The following ANKH variants were observed in gnomAD, a reference collection of about 807,000 sequenced individuals.
The protein encoded by ANKH is mineralization regulator ANKH.
Under a neutral mutation model 49.0 loss-of-function variants are expected in ANKH, and 15 were observed. The ratio of observed to expected loss-of-function variants is 0.31; its 90% CI spans 0.20 to 0.47. The LOEUF is 0.47. Among genes scored for constraint, ANKH ranks in the 20% least tolerant of loss-of-function variants. The pLI is 1.00. For synonymous variants in ANKH, 273 were observed against 260.0 expected (o/e 1.05, Z -0.48); for missense variants, 429 against 652.0 (o/e 0.66, Z 3.72).
chr5:14,797,309 T>C (rs1740420003), intron 1 of ANKH: 2 of 1,565,054 alleles, frequency 1.3e-6, no homozygotes, highest in African/African-American at 2.7e-5. Context: ...ACAACAACTC[T>C]GGTGGCCTGT....
chr5:14,786,216 A>G (rs2126536989), intron 1 of ANKH, among the ~76,000 whole-genome samples: 1 of 152,314 alleles, frequency 6.6e-6, no homozygotes, highest in South Asian at 2.1e-4. Context: ...AACTTCCTGG[A>G]AATAAATTAA....
At chr5:14,850,993 T>C (rs1489939864) in intron 1 of ANKH, among the ~76,000 whole-genome samples, 2 of 151,840 alleles carry the variant, frequency 1.3e-5, no homozygotes, top group Admixed American at 1.3e-4. Flanking sequence ...GGCGTGGTGA[T>C]GTTATGAAGG....
intron 8 of ANKH, among the ~76,000 whole-genome samples, chr5:14,721,726 C>T (rs536453743): frequency 8.2e-4 from 125 of 152,038 alleles, no homozygotes; most frequent in East Asian, 7.6e-3. Flanking sequence ...GTCAGGAGAT[C>T]GAGACCATCC....
At chr5:14,711,882 C>T (rs554411263) in intron 11 of ANKH, among the ~76,000 whole-genome samples, 2 of 152,298 alleles carry the variant, frequency 1.3e-5, no homozygotes, top group South Asian at 4.2e-4. Context: ...ACTGCTGGGT[C>T]ACTGCAGACC....
At chr5:14,802,430 C>T (rs1740591918) in intron 1 of ANKH, among the ~76,000 whole-genome samples, 1 of 152,148 alleles carries the variant, frequency 6.6e-6, no homozygotes, top group African/African-American at 2.4e-5. Context: ...ATGGAGTTTG[C>T]TGAATCCCTA....
chr5:14,826,438 A>G (rs891632081), intron 1 of ANKH, among the ~76,000 whole-genome samples: 9 of 152,218 alleles, frequency 5.9e-5, no homozygotes, highest in Admixed American at 5.2e-4. Context: ...GTGCTTCTTC[A>G]TCAACTCATA....
chr5:14,772,300 C>G (rs888750757), intron 1 of ANKH, among the ~76,000 whole-genome samples: 16 of 151,978 alleles, frequency 1.1e-4, no homozygotes, highest in African/African-American at 3.9e-4. Flanking sequence ...CTGCAAAGCA[C>G]TGTTAGGAAG....
chr5:14,736,622 A>G (rs550115160), intron 8 of ANKH, among the ~76,000 whole-genome samples: 2 of 152,032 alleles, frequency 1.3e-5, no homozygotes, highest in African/African-American at 2.4e-5. Context: ...TTTTCTGACC[A>G]GTCTCTCTCC....
chr5:14,806,036 TA>T, intron 1 of ANKH, among the ~76,000 whole-genome samples: 1 of 152,274 alleles, frequency 6.6e-6, no homozygotes, highest in South Asian at 2.1e-4. Context: ...GATAACTGTG[TA>T]AAACTTGTGC....
rs766468055 is a variant in ANKH at position 14,707,018 on chromosome 5, A to G, written c.*4179T>C. On this transcript the variant is annotated 3_prime_UTR_variant, in exon 12 of 12. Transcript: ENST00000284268. ...CTCCACTGCAATTTTGGTTCCAAAGAAAGGTGAGGAGCAGAACTTAGAAGA... is the reference window on the plus strand; with the variant it reads ...CTCCACTGCAATTTTGGTTCCAAAGGAAGGTGAGGAGCAGAACTTAGAAGA... 6.6e-6 allele frequency: 1 copy of G among 152,152 alleles called. No homozygotes were observed. Among genetic ancestry groups the G allele is most frequent in the Non-Finnish European group, 1.5e-5 (1 of 68,028 alleles). 9.4% of individuals were successfully genotyped at this position (152,152 alleles called of 1,614,324 possible). A position where few individuals can be genotyped will look rare whatever the true frequency, so the allele number is the denominator to read the frequency against.
At chr5:14,854,372 ACCT>A (rs1742199083) in intron 1 of ANKH, among the ~76,000 whole-genome samples, 1 of 152,204 alleles carries the variant, frequency 6.6e-6, no homozygotes, top group South Asian at 2.1e-4. Context: ...CTTTGCCACA[ACCT>A]AGCTCTTTTA....
chr5:14,836,961 A>G (rs1741673676), intron 1 of ANKH, among the ~76,000 whole-genome samples: 1 of 152,210 alleles, frequency 6.6e-6, no homozygotes, highest in African/African-American at 2.4e-5. Flanking sequence ...CAGAAATAAT[A>G]CCACACATCT....
chr5:14,847,709 GTCTC>G (rs558448945), intron 1 of ANKH, among the ~76,000 whole-genome samples: 89 of 152,336 alleles, frequency 5.8e-4, no homozygotes, highest in African/African-American at 1.9e-3. Context: ...TATGGACCCA[GTCTC>G]TCTGACAATC....
At chr5:14,814,049 A>C (rs1480671903) in intron 1 of ANKH, among the ~76,000 whole-genome samples, 3 of 152,102 alleles carry the variant, frequency 2.0e-5, no homozygotes, top group Non-Finnish European at 2.9e-5. Flanking sequence ...AGTTCTTCTT[A>C]TTCTTCAAGG....
chr5:14,841,382 C>T (rs561509090), intron 1 of ANKH, among the ~76,000 whole-genome samples: 18 of 151,984 alleles, frequency 1.2e-4, no homozygotes, highest in South Asian at 6.2e-4. Flanking sequence ...CTGCAACCTC[C>T]GCCTCCCGGG....
intron 1 of ANKH, among the ~76,000 whole-genome samples, chr5:14,801,851 C>T (rs1740574426): frequency 6.6e-6 from 1 of 152,200 alleles, no homozygotes; most frequent in Non-Finnish European, 1.5e-5. Context: ...CAATTTAGAA[C>T]ATTACAACCA....
chr5:14,828,561 T>C (rs966526905), intron 1 of ANKH, among the ~76,000 whole-genome samples: 1 of 151,904 alleles, frequency 6.6e-6, no homozygotes, highest in Admixed American at 6.6e-5. Flanking sequence ...CAACAAAAAG[T>C]TTCCTCTTCT....
chr5:14,809,745 G>A (rs1213376294), intron 1 of ANKH, among the ~76,000 whole-genome samples: 1 of 152,146 alleles, frequency 6.6e-6, no homozygotes, highest in African/African-American at 2.4e-5. Context: ...TTCAGGCTAA[G>A]GCCAGGGACC....
chr5:14,812,511 T>C (rs1490114872), intron 1 of ANKH, among the ~76,000 whole-genome samples: 1 of 152,210 alleles, frequency 6.6e-6, no homozygotes, highest in African/African-American at 2.4e-5. Context: ...GTTCTAGGGT[T>C]TGGGGGTGAC....
Sources: gnomAD v4.1 joint callset for allele counts (sites outside exome capture counted in the v4.1 genomes callset) on GRCh38, gnomAD v4.1.1 for gene constraint, MANE v1.5 for transcripts, NCBI Gene and HGNC (gene_info 2026-07-23, HGNC 2026-07-21) for gene names.